RAB3C: variants seen among roughly 807,000 people sequenced by gnomAD.
The protein encoded by RAB3C is RAB3C, member RAS oncogene family, also known as ras-related protein Rab-3C.
A neutral mutation model predicts 26.4 loss-of-function variants in RAB3C; 17 were observed. That is an observed-to-expected ratio of 0.64 (90% CI 0.44 to 0.97). The LOEUF (loss-of-function observed/expected upper bound fraction) is 0.97, where lower values mean the gene tolerates loss of function less well. Among genes scored for constraint, RAB3C ranks in the 50% least tolerant of loss-of-function variants. The probability of loss-of-function intolerance (pLI) is 0.00; values close to 1 mark genes in which losing one functional copy is unlikely to be tolerated. For synonymous variants in RAB3C, 91 were observed against 95.9 expected, an observed-to-expected ratio of 0.95 and a Z score of 0.30; for missense variants, 242 against 281.9, an observed-to-expected ratio of 0.86 and a Z score of 1.01.
chr5:58,689,233 G>A (rs1298200525), intron 2 of RAB3C: 1 of 152,070 alleles, frequency 6.6e-6, no homozygotes, highest in African/African-American at 2.4e-5. Context: ...CCTCTTATGC[G>A]AAGATAATAT....
intron 3 of RAB3C, chr5:58,814,731 C>T (rs746500339): frequency 6.6e-6 from 1 of 152,128 alleles, no homozygotes; most frequent in Non-Finnish European, 1.5e-5. Flanking sequence ...CATCTAGTTA[C>T]TGTTGTTTTT....
chr5:58,817,840 C>T (rs752070797), intron 3 of RAB3C, among the ~76,000 whole-genome samples: 5 of 151,992 alleles, frequency 3.3e-5, no homozygotes, highest in Non-Finnish European at 7.4e-5. Context: ...ACAAAAGGGC[C>T]AATTATATGT....
chr5:58,652,699 GGAA>G (rs1218037304), intron 2 of RAB3C, among the ~76,000 whole-genome samples: 7 of 65,822 alleles, frequency 1.1e-4, no homozygotes, highest in African/African-American at 3.5e-4. Flanking sequence ...TCTTGATAAA[GGAA>G]AAAAAAAAAA....
chr5:58,764,102 A>G (rs758170130), intron 3 of RAB3C, among the ~76,000 whole-genome samples: 6 of 152,210 alleles, frequency 3.9e-5, no homozygotes, highest in Non-Finnish European at 7.3e-5. Context: ...TCAAATTTTG[A>G]TATCTTTTTG....
intron 4 of RAB3C, among the ~76,000 whole-genome samples, chr5:58,832,530 C>T (rs1240488511): frequency 6.6e-6 from 1 of 152,092 alleles, no homozygotes; most frequent in Admixed American, 6.5e-5. Context: ...AACAATAAGA[C>T]CAAATTTCTG....
rs1325212744 is a variant in RAB3C at position 58,627,515 on chromosome 5, A to AAAAAAAAAAAAAAAC, written c.252+9649_252+9650insAAAAAAAAAACAAAA. ...AAAAAAAAAAAAAAAAAAAAAAAAA[A>AAAAAAAAAAAAAAAC]AAAACACAGCTTAAATTCGGTGCAA... is the stretch of plus-strand genomic sequence containing the variant. On this transcript the variant is annotated intron_variant, in intron 2 of 4. Transcript: ENST00000282878. 5.3e-4 allele frequency among the ~76,000 whole-genome samples: 32 copies of AAAAAAAAAAAAAAAC among 60,572 alleles called. 8 individuals carry two copies. Among genetic ancestry groups the AAAAAAAAAAAAAAAC allele is most frequent in the Non-Finnish European group, 9.6e-4 (29 of 30,326 alleles). The allele number at this position is 60,572 out of a possible 152,430, so 39.7% of individuals were successfully genotyped here. A position where few individuals can be genotyped will look rare whatever the true frequency, so the allele number is the denominator to read the frequency against.
At chr5:58,721,835 G>A (rs1282548643) in intron 2 of RAB3C, among the ~76,000 whole-genome samples, 1 of 151,734 alleles carries the variant, frequency 6.6e-6, no homozygotes, top group Non-Finnish European at 1.5e-5. Flanking sequence ...GCTTTTAAAT[G>A]ATAAATATTA....
intron 3 of RAB3C, among the ~76,000 whole-genome samples, 186 bp from the exon 4 acceptor site, chr5:58,824,852 A>G (rs547710433): frequency 2.0e-5 from 3 of 152,184 alleles, no homozygotes; most frequent in African/African-American, 4.8e-5. Context: ...GACTCATGCA[A>G]TCTCTGATGA....
chr5:58,707,257 A>G (rs1013053819), intron 2 of RAB3C, among the ~76,000 whole-genome samples: 1 of 152,256 alleles, frequency 6.6e-6, no homozygotes, highest in Non-Finnish European at 1.5e-5. Flanking sequence ...TCCAAAAATT[A>G]GATATCATAC....
chr5:58,704,746 T>C (rs1274506028), intron 2 of RAB3C, among the ~76,000 whole-genome samples: 2 of 152,110 alleles, frequency 1.3e-5, no homozygotes, highest in Non-Finnish European at 2.9e-5. Context: ...GGTGCTAGCT[T>C]TTTCTTTCTT....
Position 58,858,221 on chromosome 5 carries a change from C to T in RAB3C, c.*6870C>T, listed in dbSNP as rs942707419. On this transcript the variant is annotated 3_prime_UTR_variant, in exon 5 of 5. Transcript: ENST00000282878. Reference sequence around the variant, plus strand: ...TGGGTGATATGTGGCCTGAATGTAACTGTGATAGACTGAAATTTGTTCTTA... The same window carrying T: ...TGGGTGATATGTGGCCTGAATGTAATTGTGATAGACTGAAATTTGTTCTTA... 1 of 152,090 alleles carries T rather than the reference C, an allele frequency of 6.6e-6. No homozygotes were observed. The highest frequency in any genetic ancestry group is 6.6e-5 in the Admixed American group (1 of 15,244). The allele number at this position is 152,090 out of a possible 1,614,324, so 9.4% of individuals were successfully genotyped here. A position where few individuals can be genotyped will look rare whatever the true frequency, so the allele number is the denominator to read the frequency against.
intron 2 of RAB3C, among the ~76,000 whole-genome samples, chr5:58,696,071 ACT>A (rs978340492): frequency 6.6e-6 from 1 of 151,766 alleles, no homozygotes; most frequent in Non-Finnish European, 1.5e-5. Flanking sequence ...GTCATAAATA[ACT>A]CATATTATTT....
intron 3 of RAB3C, among the ~76,000 whole-genome samples, chr5:58,789,250 A>G (rs1742466902): frequency 6.6e-6 from 1 of 152,128 alleles, no homozygotes; most frequent in Non-Finnish European, 1.5e-5. Flanking sequence ...TTCTTCTCAC[A>G]ACATTAACCA....
At position 58,853,129 on chromosome 5, in the gene RAB3C, A is replaced by G. The variant is rs1283396156; in HGVS notation, c.*1778A>G. The G allele has an allele frequency of 6.6e-6, 1 of 152,222 alleles. No homozygotes were observed. Among genetic ancestry groups the G allele is most frequent in the Non-Finnish European group, 1.5e-5 (1 of 68,034 alleles). The allele number at this position is 152,222 out of a possible 1,614,324, so 9.4% of individuals were successfully genotyped here. A position where few individuals can be genotyped will look rare whatever the true frequency, so the allele number is the denominator to read the frequency against. On this transcript the variant is annotated 3_prime_UTR_variant, in exon 5 of 5. Coordinates refer to ENST00000282878, the MANE Select transcript of RAB3C (RefSeq NM_138453.4). ...GGTGCCCTACAAAGCAAACCTTAGC[A>G]TAGTAAAGACAAGAAAACATTAATG...
intron 4 of RAB3C, among the ~76,000 whole-genome samples, chr5:58,847,669 T>C (rs1304217544): frequency 4.6e-5 from 7 of 152,094 alleles, no homozygotes; most frequent in Admixed American, 4.6e-4. Context: ...AAAAGACTGA[T>C]TCGCTTGGAT....
intron 3 of RAB3C, among the ~76,000 whole-genome samples, chr5:58,732,575 A>G (rs1369312227): frequency 1.3e-5 from 2 of 152,176 alleles, no homozygotes; most frequent in African/African-American, 4.8e-5. Context: ...CTGGGCAAAT[A>G]TAATCCAAGC....
chr5:58,804,687 G>GTGTA (rs1579927522), intron 3 of RAB3C, among the ~76,000 whole-genome samples: 2 of 151,872 alleles, frequency 1.3e-5, no homozygotes, highest in South Asian at 2.1e-4. Context: ...GTGTGTGTGT[G>GTGTA]TGTATGTATG....
chr5:58,794,094 A>C (rs1210221337), intron 3 of RAB3C, among the ~76,000 whole-genome samples: 1 of 152,182 alleles, frequency 6.6e-6, no homozygotes, highest in Non-Finnish European at 1.5e-5. Flanking sequence ...GTATATTAAA[A>C]TGGAAGGCCT....
At chr5:58,848,833 C>T (rs563758984) in intron 4 of RAB3C, among the ~76,000 whole-genome samples, 14 of 152,242 alleles carry the variant, frequency 9.2e-5, no homozygotes, top group Non-Finnish European at 2.1e-4. Context: ...AGAAGTGTTG[C>T]TAAGTGGGGC....
Sources: gnomAD v4.1 joint callset for allele counts (sites outside exome capture counted in the v4.1 genomes callset) on GRCh38, gnomAD v4.1.1 for gene constraint, MANE v1.5 for transcripts, NCBI Gene and HGNC (gene_info 2026-07-23, HGNC 2026-07-21) for gene names.